Variants in COL23A1 observed in about 807,000 individuals in gnomAD.
The protein encoded by COL23A1 is collagen alpha-1(XXIII) chain.
A neutral mutation model predicts 99.3 loss-of-function variants in COL23A1; 97 were observed. That is an observed-to-expected ratio of 0.98 (90% confidence interval 0.83 to 1.16). The LOEUF is 1.16. Among genes scored for constraint, COL23A1 ranks in the 50% most tolerant of loss-of-function variants. The pLI, the probability that COL23A1 is intolerant of heterozygous loss-of-function variation, is 0.00. For synonymous variants in COL23A1, 320 were observed against 308.2 expected (o/e 1.04, Z -0.40); for missense variants, 762 against 757.4 (o/e 1.01, Z -0.07).
chr5:178,304,505 C>CCAA (rs1758244853), intron 3 of COL23A1, among the ~76,000 whole-genome samples: 2 of 32,220 alleles, frequency 6.2e-5, no homozygotes, highest in Non-Finnish European at 1.4e-4. Flanking sequence ...GCGACTGTCT[C>CCAA]AAAAAAAAAA....
chr5:178,566,779 G>A (rs886448483), intron 1 of COL23A1, among the ~76,000 whole-genome samples: 1 of 151,984 alleles, frequency 6.6e-6, no homozygotes, highest in Non-Finnish European at 1.5e-5. Context: ...TCGTGCCACT[G>A]CACTCCAGCC....
chr5:178,565,239 A>T (rs1762784020), intron 1 of COL23A1, among the ~76,000 whole-genome samples: 1 of 152,216 alleles, frequency 6.6e-6, no homozygotes, highest in African/African-American at 2.4e-5. Context: ...TCTCAGTGAA[A>T]AACAAAAAAG....
chr5:178,590,223 C>A lies in COL23A1; in HGVS notation c.-26G>T. The stretch of plus-strand genomic sequence containing the variant: ...GGCGCGTTCGTCGCGCGTGGACTCT[C>A]CGAGGGGGCGGTGCTGCTGGGGCAG... On this transcript the variant is annotated 5_prime_UTR_variant, in exon 1 of 29. Coordinates refer to ENST00000390654, the MANE Select transcript of COL23A1 (RefSeq NM_173465.4). The surrounding 1 kb of genome is among the most constrained non-coding windows in gnomAD (Gnocchi z 5.7). 1 of 1,208,870 alleles carries A rather than the reference C, an allele frequency of 8.3e-7. No homozygotes were observed. The highest frequency in any genetic ancestry group is 3.4e-5 in the East Asian group (1 of 29,080). 74.9% of individuals were successfully genotyped at this position (1,208,870 alleles called of 1,614,324 possible).
At chr5:178,283,430 C>G (rs1757001582) in intron 5 of COL23A1, among the ~76,000 whole-genome samples, 1 of 152,226 alleles carries the variant, frequency 6.6e-6, no homozygotes, top group South Asian at 2.1e-4. Flanking sequence ...ATCTCTGCAG[C>G]TTTTTCATCA....
At chr5:178,466,645 G>A (rs944664611) in intron 2 of COL23A1, among the ~76,000 whole-genome samples, 10 of 152,230 alleles carry the variant, frequency 6.6e-5, no homozygotes, top group South Asian at 2.1e-4. Flanking sequence ...CTGCTGCTGC[G>A]GGGGATGGCC....
chr5:178,302,672 G>A (rs1049272093), intron 3 of COL23A1, among the ~76,000 whole-genome samples: 1 of 152,248 alleles, frequency 6.6e-6, no homozygotes, highest in Non-Finnish European at 1.5e-5. Flanking sequence ...GCTTTTCAAA[G>A]CTCCTTTGAA....
intron 2 of COL23A1, among the ~76,000 whole-genome samples, chr5:178,518,409 G>A (rs1759690590): frequency 6.7e-6 from 1 of 149,992 alleles, no homozygotes; most frequent in South Asian, 2.1e-4. Context: ...ATGAGCTGTT[G>A]GGCACACCTC....
rs1348693462 is a variant in COL23A1 at position 178,358,254 on chromosome 5, GTA to G, written c.362-51337_362-51336del. ...TGTATGTGTGTATGTGTATGTGTGT[GTA>G]TGTATATGTGTGTATATGTGTGTAT... On this transcript the variant is annotated intron_variant, in intron 2 of 28. Transcript: ENST00000390654. Among the ~76,000 whole-genome samples, 8 of 144,206 alleles carry G rather than the reference GTA, an allele frequency of 5.5e-5. No individual in the cohort carries two copies. The South Asian group carries it at 6.7e-4, about 12-fold the overall frequency. 94.6% of individuals were successfully genotyped at this position (144,206 alleles called of 152,430 possible). A position where few individuals can be genotyped will look rare whatever the true frequency, so the allele number is the denominator to read the frequency against.
chr5:178,504,693 T>C lies in COL23A1; in HGVS notation c.361+55989A>G, dbSNP rs561822308. Among the ~76,000 whole-genome samples, 4 of 152,226 alleles carry C rather than the reference T, an allele frequency of 2.6e-5. No homozygotes were observed. In the East Asian group the frequency reaches 7.7e-4, roughly 29 times the overall value. ...TCCCCGCTGAGAGAAGTCAGGCATG[T>C]GTGAGGCGAAGTGCGCTGGCCAACA... On this transcript the variant is annotated intron_variant, in intron 2 of 28. Coordinates refer to ENST00000390654, the MANE Select transcript of COL23A1 (RefSeq NM_173465.4).
intron 2 of COL23A1, among the ~76,000 whole-genome samples, chr5:178,320,890 G>A (rs1196374579): frequency 6.6e-6 from 1 of 152,198 alleles, no homozygotes; most frequent in Non-Finnish European, 1.5e-5. Context: ...CATGGGCCCA[G>A]AGCTGGATCC....
chr5:178,371,028 A>T (rs1046733431), intron 2 of COL23A1, among the ~76,000 whole-genome samples: 5 of 152,342 alleles, frequency 3.3e-5, no homozygotes, highest in Middle Eastern at 3.4e-3. Context: ...ATAGATCTTA[A>T]GTGTTCTCAT....
Position 178,248,117 on chromosome 5 carries a change from G to A in COL23A1, c.1212+75C>T, listed in dbSNP as rs150343336. 30 of 1,142,808 alleles carry A rather than the reference G, an allele frequency of 2.6e-5. No homozygotes were observed. In the East Asian group the frequency reaches 7.1e-4, roughly 27 times the overall value. The allele number at this position is 1,142,808 out of a possible 1,614,324, so 70.8% of individuals were successfully genotyped here. A position where few individuals can be genotyped will look rare whatever the true frequency, so the allele number is the denominator to read the frequency against. On this transcript the variant is annotated intron_variant, in intron 20 of 28. Transcript: ENST00000390654. Reference sequence around the variant, plus strand: ...TTTGCTCAGGCCAGGTGGCCTTTTTGTCCCAAGGCTCAGGGTCCCCACCCA... The same window carrying A: ...TTTGCTCAGGCCAGGTGGCCTTTTTATCCCAAGGCTCAGGGTCCCCACCCA...
chr5:178,268,857 G>T, intron 6 of COL23A1, 101 bp from the exon 7 acceptor site: 1 of 1,233,606 alleles, frequency 8.1e-7, no homozygotes, highest in Non-Finnish European at 1.1e-6. Context: ...GGCCCGTGAT[G>T]CTGGGCGGCT....
intron 2 of COL23A1, among the ~76,000 whole-genome samples, chr5:178,355,800 A>G (rs1581212669): frequency 6.6e-6 from 1 of 151,786 alleles, no homozygotes; most frequent in South Asian, 2.1e-4. Context: ...ATTTTTTTTG[A>G]TCTGTGTTTA....
intron 2 of COL23A1, among the ~76,000 whole-genome samples, chr5:178,422,794 A>G (rs1765707523): frequency 6.6e-6 from 1 of 152,170 alleles, no homozygotes; most frequent in Non-Finnish European, 1.5e-5. Context: ...TTACCAGACT[A>G]TGTCATTATA....
At chr5:178,456,620 C>A (rs980469883) in intron 2 of COL23A1, among the ~76,000 whole-genome samples, 1 of 152,182 alleles carries the variant, frequency 6.6e-6, no homozygotes, top group South Asian at 2.1e-4. Context: ...ATTGCTTGAA[C>A]CCGGGAGGTG....
intron 2 of COL23A1, among the ~76,000 whole-genome samples, chr5:178,516,311 C>T (rs1378846234): frequency 6.6e-6 from 1 of 152,230 alleles, no homozygotes; most frequent in Non-Finnish European, 1.5e-5. Context: ...TGGCCCTCGC[C>T]CACAGCCCCA....
At chr5:178,277,038 T>C (rs930471413) in intron 5 of COL23A1, among the ~76,000 whole-genome samples, 2 of 152,164 alleles carry the variant, frequency 1.3e-5, no homozygotes, top group African/African-American at 4.8e-5. Flanking sequence ...GGCAATGTCT[T>C]TCTGGGAGCC....
At chr5:178,425,448 A>C (rs140420197) in intron 2 of COL23A1, among the ~76,000 whole-genome samples, 10,112 of 151,150 alleles carry the variant, frequency 0.067, 1,047 homozygotes, top group East Asian at 0.48. Context: ...TAAATAAATA[A>C]ATAAATAAAT....
Sources: allele counts gnomAD v4.1 joint callset (sites outside exome capture counted in the v4.1 genomes callset), GRCh38; gene constraint gnomAD v4.1.1; non-coding constraint Gnocchi (gnomAD v3.1); transcripts MANE v1.5; gene names NCBI Gene and HGNC (gene_info 2026-07-23, HGNC 2026-07-21).